The following SLC12A9 variants were observed in gnomAD, a reference collection of about 807,000 sequenced individuals.
SLC12A9 encodes the protein CCC-interacting protein 1.
A neutral mutation model predicts 66.0 loss-of-function variants in SLC12A9; 55 were observed. The observed-to-expected ratio is 0.83, with a 90% CI of 0.67 to 1.04. The LOEUF is 1.04. SLC12A9 is among the 50% of genes least tolerant of loss of function. The pLI, the probability that SLC12A9 is intolerant of heterozygous loss-of-function variation, is 0.00. For missense variants in SLC12A9, 1,061 were observed against 1,241.9 expected (o/e 0.85, Z 2.19); for synonymous variants, 577 against 569.0 (o/e 1.01, Z -0.20).
At position 100,855,724 on chromosome 7, in the gene SLC12A9, T is replaced by C; in HGVS notation, c.335T>C (p.Leu112Pro). The C allele has an allele frequency of 6.8e-6, 11 of 1,614,104 alleles. No individual in the cohort carries two copies. Among genetic ancestry groups the C allele is most frequent in the Non-Finnish European group, 9.3e-6 (11 of 1,179,968 alleles). The change falls in exon 4 of 14, where the codon CTG (leucine) becomes CCG (proline). Residue 112 changes from leucine (L) to proline (P), a missense_variant. By Grantham distance (98) the Leu-to-Pro change is moderately conservative (BLOSUM62 -3). Transcript: ENST00000354161. ...CTTTCAGTCATGATCAGCCGCACAC[T>C]GGGGCCCGAGGTCGGGGGCAGCATT... ...GGAYFMISRT[L>P]GPEVGGSIGL... is the part of the protein sequence containing the mutation.
chr7:100,865,681 ACTC>A, intron 13 of SLC12A9, 35 bp from the exon 14 acceptor site: 1 of 1,572,038 alleles, frequency 6.4e-7, no homozygotes. Context: ...TGTGAGCCTG[ACTC>A]CTGTCTGTTC....
In SLC12A9 at chr7:100,862,839, C is replaced by T. The variant is rs754661461; in HGVS notation, c.1858+12C>T. Reference sequence around the variant, plus strand: ...AATCTCCGGCCTCGGTGAGCTGCTTCTCCCTGGATGCCCTCGGCCTTCCTC... The same window carrying T: ...AATCTCCGGCCTCGGTGAGCTGCTTTTCCCTGGATGCCCTCGGCCTTCCTC... On this transcript the variant is annotated intron_variant, in intron 13 of 13. Coordinates refer to ENST00000354161, the MANE Select transcript of SLC12A9 (RefSeq NM_020246.4). 1 of 1,613,856 alleles carries T rather than the reference C, an allele frequency of 6.2e-7. No individual in the cohort carries two copies. The highest frequency in any genetic ancestry group is 8.5e-7 in the Non-Finnish European group (1 of 1,179,962).
chr7:100,842,186 C>T (rs986153161), intron 1 of SLC12A9, among the ~76,000 whole-genome samples: 1 of 151,942 alleles, frequency 6.6e-6, no homozygotes, highest in Non-Finnish European at 1.5e-5. Flanking sequence ...AGTTGTAGGC[C>T]ATAGTCCCAA....
chr7:100,843,454 G>A (rs754522217), intron 1 of SLC12A9, among the ~76,000 whole-genome samples: 2 of 152,098 alleles, frequency 1.3e-5, no homozygotes, highest in Non-Finnish European at 1.5e-5. Context: ...AACTCATGTC[G>A]GCCCCAGCCC....
intron 13 of SLC12A9, 98 bp downstream of exon 13, chr7:100,862,925 C>T (rs1192813504): frequency 6.9e-7 from 1 of 1,444,148 alleles, no homozygotes; most frequent in East Asian, 2.3e-5. Flanking sequence ...TTGCAAACTG[C>T]AAAAGGACCT....
In SLC12A9 at chr7:100,861,424, G is replaced by T; in HGVS notation, c.1376G>T (p.Cys459Phe). ...PTFSLFSWHT[C>F]LLGVASCLLM... ...TTCAGCCTGTTCTCCTGGCACACCT[G>T]CCTGCTGGGGGTGGCCTCCTGCCTG... The change falls in exon 11 of 14, where the codon TGC (cysteine) becomes TTC (phenylalanine). Residue 459 changes from cysteine (C) to phenylalanine (F), a missense_variant. Transcript: ENST00000354161. This position sits in a 1 kb window ranked among gnomAD's most constrained non-coding sequence, Gnocchi z 5.3. 6.2e-7 allele frequency: 1 copy of T among 1,613,696 alleles called. No individual in the cohort carries two copies.
intron 1 of SLC12A9, among the ~76,000 whole-genome samples, chr7:100,838,882 A>C (rs1385071220): frequency 1.3e-5 from 2 of 152,158 alleles, no homozygotes; most frequent in African/African-American, 4.8e-5. Flanking sequence ...AATTACAGAC[A>C]TTGTATAGAA....
chr7:100,839,984 T>TG (rs1235671741), intron 1 of SLC12A9, among the ~76,000 whole-genome samples: 2 of 152,172 alleles, frequency 1.3e-5, no homozygotes. Flanking sequence ...CCCACTGCAT[T>TG]TAAGTGGAAG....
chr7:100,856,892 G>A lies in SLC12A9; in HGVS notation c.473G>A (p.Arg158Gln), dbSNP rs747098043. ...GADATGPSGL[R>Q]VLPQGYGWNL... The stretch of plus-strand genomic sequence containing the variant: ...GATGCCACAGGGCCCAGTGGGCTCC[G>A]GGTCCTGCCCCAGGGCTACGGCTGG... The change falls in exon 5 of 14, where the codon CGG becomes CAG. Residue 158 changes from arginine (R) to glutamine (Q), a missense_variant. Physicochemically the swap from Arg to Gln is conservative, Grantham distance 43. Coordinates refer to ENST00000354161, the MANE Select transcript of SLC12A9 (RefSeq NM_020246.4). 94 of 1,604,808 alleles carry A rather than the reference G, an allele frequency of 5.9e-5. No individual in the cohort carries two copies. Among genetic ancestry groups the A allele is most frequent in the Non-Finnish European group, 7.1e-5 (84 of 1,177,522 alleles).
At chr7:100,830,311 C>T (rs1813519299) in intron 1 of SLC12A9, among the ~76,000 whole-genome samples, 1 of 152,052 alleles carries the variant, frequency 6.6e-6, no homozygotes, top group East Asian at 1.9e-4. Flanking sequence ...TGAAATCGTG[C>T]CACTGCACTC....
intron 3 of SLC12A9, 74 bp from the exon 4 acceptor site, chr7:100,855,632 C>T: frequency 6.2e-7 from 1 of 1,602,644 alleles, no homozygotes; most frequent in Non-Finnish European, 8.5e-7. Flanking sequence ...GGGTTCAGTG[C>T]TTGGAGCTAT....
intron 1 of SLC12A9, among the ~76,000 whole-genome samples, chr7:100,843,494 G>C (rs1251100845): frequency 1.3e-5 from 2 of 152,150 alleles, no homozygotes; most frequent in South Asian, 2.1e-4. Context: ...TACACCCTAC[G>C]TGTCAGAAAG....
intron 1 of SLC12A9, among the ~76,000 whole-genome samples, chr7:100,843,132 C>T (rs1281187534): frequency 2.0e-5 from 3 of 152,320 alleles, no homozygotes; most frequent in South Asian, 2.1e-4. Flanking sequence ...GGCACTCTGC[C>T]GAATAACTGG....
rs764115909 is a variant in SLC12A9 at position 100,826,963 on chromosome 7, C to CT, written n.144_145insT. ...CAGGAGTGACGGGGTGCGCCCCCCC[C>CT]CGCAAGGAAACTCACCTTCCAAAGC... is the stretch of plus-strand genomic sequence containing the variant. On this transcript the variant is annotated non_coding_transcript_exon_variant, in exon 1 of 2. Coordinates refer to the SLC12A9 transcript ENST00000461016. 5.3e-6 allele frequency: 8 copies of CT among 1,517,930 alleles called. No homozygotes were observed. In the Admixed American group the frequency reaches 1.6e-4, roughly 29 times the overall value. 94.0% of individuals were successfully genotyped at this position (1,517,930 alleles called of 1,614,324 possible).
At position 100,854,637 on chromosome 7, in the gene SLC12A9, G is replaced by T. The variant is rs748934197; in HGVS notation, c.199G>T (p.Ala67Ser). The change falls in exon 3 of 14, where the codon GCT becomes TCT. Residue 67 changes from alanine (A) to serine (S), a missense_variant. Coordinates refer to ENST00000354161, the MANE Select transcript of SLC12A9 (RefSeq NM_020246.4). The stretch of plus-strand genomic sequence containing the variant: ...TGCCTCAGGGTTCGTGGTGGGTCAT[G>T]CTGGGCTACTGCAGGCCCTGGCCAT... ...FLRIGFVVGH[A>S]GLLQALAMLL... The T allele has an allele frequency of 3.1e-6, 5 of 1,614,076 alleles. No homozygotes were observed. Among genetic ancestry groups the T allele is most frequent in the Non-Finnish European group, 3.4e-6 (4 of 1,180,012 alleles).
chr7:100,856,049 G>A lies in SLC12A9; in HGVS notation c.448+212G>A, dbSNP rs1814368377. On this transcript the variant is annotated intron_variant, in intron 4 of 13. Transcript: ENST00000354161. ...AGGGAGCTAACCATCTAATCGGAGA[G>A]ACCAGGCTAAGATTCTTAAAACTGA... The A allele has an allele frequency of 1.7e-5, 10 of 594,022 alleles. No individual in the cohort carries two copies. The South Asian group carries it at 2.9e-4, about 17-fold the overall frequency. 36.8% of individuals were successfully genotyped at this position (594,022 alleles called of 1,614,324 possible). A position where few individuals can be genotyped will look rare whatever the true frequency, so the allele number is the denominator to read the frequency against.
chr7:100,859,182 G>T (rs746128077), intron 7 of SLC12A9, 21 bp downstream of exon 7: 1 of 1,606,788 alleles, frequency 6.2e-7, no homozygotes, highest in Non-Finnish European at 8.5e-7. Context: ...AGGGATGGGG[G>T]TGGAGTGTCG....
intron 1 of SLC12A9, among the ~76,000 whole-genome samples, chr7:100,828,368 G>A (rs1462865228): frequency 6.6e-6 from 1 of 151,656 alleles, no homozygotes; most frequent in Non-Finnish European, 1.5e-5. Context: ...ATGAAACCCC[G>A]TCTCTACTAA....
chr7:100,838,974 CTCAA>C (rs1245300654), intron 1 of SLC12A9, among the ~76,000 whole-genome samples: 1 of 152,028 alleles, frequency 6.6e-6, no homozygotes, highest in Non-Finnish European at 1.5e-5. Context: ...CCCCTGCTTG[CTCAA>C]TCAATCACGA....
Sources: allele counts gnomAD v4.1 joint callset (sites outside exome capture counted in the v4.1 genomes callset), GRCh38; gene constraint gnomAD v4.1.1; non-coding constraint Gnocchi (gnomAD v3.1); transcripts MANE v1.5; gene names NCBI Gene and HGNC (gene_info 2026-07-23, HGNC 2026-07-21).